The following EHMT1 variants were observed in gnomAD, a reference collection of about 807,000 sequenced individuals.
EHMT1 encodes the protein histone-lysine N-methyltransferase EHMT1.
A neutral mutation model predicts 147.2 loss-of-function variants in EHMT1; 15 were observed. The observed-to-expected ratio is 0.10, with a 90% CI of 0.07 to 0.16. The LOEUF (loss-of-function observed/expected upper bound fraction) is 0.16. Ranked by LOEUF, EHMT1 falls within the 10% of genes least tolerant of loss-of-function variation. EHMT1 has a pLI of 1.00. For missense variants in EHMT1, 1,587 were observed against 1,772.4 expected, an observed-to-expected ratio of 0.90 and a Z score of 1.88; for synonymous variants, 795 against 709.6, an observed-to-expected ratio of 1.12 and a Z score of -1.91.
Position 137,835,027 on chromosome 9 carries a change from T to C in EHMT1, c.*74T>C. The C allele has an allele frequency of 7.5e-7, 1 of 1,337,346 alleles. No homozygotes were observed. The highest frequency in any genetic ancestry group is 9.6e-7 in the Non-Finnish European group (1 of 1,046,924). 82.8% of individuals were successfully genotyped at this position (1,337,346 alleles called of 1,614,324 possible). A position where few individuals can be genotyped will look rare whatever the true frequency, so the allele number is the denominator to read the frequency against. On this transcript the variant is annotated 3_prime_UTR_variant, in exon 27 of 27. Coordinates refer to ENST00000460843, the MANE Select transcript of EHMT1 (RefSeq NM_024757.5). ...CCGATTAGAGGACGAGGAGGAGAGA[T>C]TCCGCACGCAACCGAAAGGGTCCTT...
chr9:137,670,990 A>G (rs1940547127), intron 1 of EHMT1, among the ~76,000 whole-genome samples: 1 of 151,224 alleles, frequency 6.6e-6, no homozygotes, highest in African/African-American at 2.4e-5. Context: ...CTGTTGTGTG[A>G]CTCTTGTTCC....
intron 3 of EHMT1, among the ~76,000 whole-genome samples, chr9:137,722,623 T>G (rs2135659050): frequency 6.8e-6 from 1 of 147,808 alleles, no homozygotes; most frequent in Admixed American, 6.7e-5. Flanking sequence ...TGCGGTGTGC[T>G]CTGTGTCTCT....
chr9:137,835,277 T>G lies in EHMT1; in HGVS notation c.*324T>G. ...TGATTTGTCGTTGCGAAGTTTCTCG[T>G]TTCTTCCTCTGACCTCCGAGGTCCC... On this transcript the variant is annotated 3_prime_UTR_variant, in exon 27 of 27. Transcript: ENST00000460843. 1 of 253,870 alleles carries G rather than the reference T, an allele frequency of 3.9e-6. No homozygotes were observed. The highest frequency in any genetic ancestry group is 8.4e-5 in the East Asian group (1 of 11,894). The allele number at this position is 253,870 out of a possible 1,614,324, so 15.7% of individuals were successfully genotyped here. A position where few individuals can be genotyped will look rare whatever the true frequency, so the allele number is the denominator to read the frequency against.
At chr9:137,689,976 C>G (rs11137181) in intron 1 of EHMT1, among the ~76,000 whole-genome samples, 6 of 152,164 alleles carry the variant, frequency 3.9e-5, no homozygotes, top group Non-Finnish European at 5.9e-5. Context: ...AAGCAGTGCA[C>G]GCATAGGCTC....
intron 4 of EHMT1, among the ~76,000 whole-genome samples, chr9:137,742,289 T>TGTGTG (rs1948160336): frequency 1.5e-5 from 2 of 135,170 alleles, no homozygotes; most frequent in South Asian, 5.1e-4. Flanking sequence ...AGAACCAAAT[T>TGTGTG]TGTGTGTGTG....
chr9:137,761,128 G>A (rs79531711), intron 9 of EHMT1, among the ~76,000 whole-genome samples: 3,023 of 152,312 alleles, frequency 0.02, 113 homozygotes, highest in African/African-American at 0.069. Context: ...GAGGAAACAC[G>A]AGGGGAAGGA....
intron 1 of EHMT1, among the ~76,000 whole-genome samples, chr9:137,688,340 ATTTCATTT>A (rs1376013065): frequency 2.0e-5 from 3 of 152,252 alleles, no homozygotes; most frequent in South Asian, 2.1e-4. Flanking sequence ...TGTTCTTGAA[ATTTCATTT>A]TTATATTCTT....
intron 10 of EHMT1, among the ~76,000 whole-genome samples, chr9:137,767,004 G>A (rs113668794): frequency 2.0e-5 from 3 of 152,076 alleles, no homozygotes; most frequent in Non-Finnish European, 4.4e-5. Flanking sequence ...TTTTTATTTT[G>A]TAGAGATGGT....
At chr9:137,681,224 C>A (rs561522750) in intron 1 of EHMT1, among the ~76,000 whole-genome samples, 5 of 152,130 alleles carry the variant, frequency 3.3e-5, no homozygotes, top group Admixed American at 1.3e-4. Context: ...GGGAGCTGTC[C>A]TGCTGGGGCA....
intron 1 of EHMT1, among the ~76,000 whole-genome samples, chr9:137,648,121 A>G (rs994820001): frequency 6.6e-6 from 1 of 152,114 alleles, no homozygotes; most frequent in Non-Finnish European, 1.5e-5. Context: ...ATGTGTTAAA[A>G]TCTATTTTCA....
chr9:137,777,150 A>G (rs1951022836), intron 12 of EHMT1: 3 of 382,522 alleles, frequency 7.8e-6, no homozygotes, highest in South Asian at 7.2e-5. Flanking sequence ...CACAAGCGAT[A>G]GACGAGTGGT....
At position 137,798,829 on chromosome 9, in the gene EHMT1, C is replaced by T; in HGVS notation, c.2522C>T (p.Thr841Met). ...CTGTTGCAGGACGCAGAGGGCTCTACGTGTTTGCACCTGGCTGCCAAGAAA... is the reference window on the plus strand; with the variant it reads ...CTGTTGCAGGACGCAGAGGGCTCTATGTGTTTGCACCTGGCTGCCAAGAAA... The part of the protein sequence containing the change: ...LVDPKDAEGS[T>M]CLHLAAKKGH... The change falls in exon 17 of 27, where the codon ACG becomes ATG. Residue 841 changes from threonine (T) to methionine (M), a missense_variant. Thr to Met is a moderately conservative substitution (Grantham distance 81, BLOSUM62 -1). Transcript: ENST00000460843. 1.9e-6 allele frequency: 3 copies of T among 1,614,110 alleles called. No homozygotes were observed. Among genetic ancestry groups the T allele is most frequent in the Non-Finnish European group, 2.5e-6 (3 of 1,179,944 alleles).
intron 13 of EHMT1, 87 bp from the exon 14 acceptor site, chr9:137,779,548 G>T (rs1475158417): frequency 2.8e-6 from 4 of 1,411,706 alleles, no homozygotes; most frequent in African/African-American, 1.4e-5. Flanking sequence ...GGGGCTGGTG[G>T]GGAGATGTCC....
chr9:137,824,588 A>G (rs919873217), intron 25 of EHMT1, among the ~76,000 whole-genome samples: 1 of 152,138 alleles, frequency 6.6e-6, no homozygotes, highest in Non-Finnish European at 1.5e-5. Flanking sequence ...TCTGCTGGCC[A>G]TTATCGCATT....
At chr9:137,788,435 T>C in intron 15 of EHMT1, 1 of 201,024 alleles carries the variant, frequency 5.0e-6, no homozygotes, top group East Asian at 1.2e-4. Context: ...ATCTTGTAGG[T>C]GAAAGGAGGT....
chr9:137,821,318 CTTTTTTTTTTT>C lies in EHMT1; in HGVS notation c.3540+3195_3540+3205del, dbSNP rs778919891. On this transcript the variant is annotated intron_variant, in intron 25 of 26. Transcript: ENST00000460843. ...ACAGGCATGAGCCACTGCGCCCGGCCTTTTTTTTTTTTTTTTTTTTTTTTTAAGAGACCAGG... is the reference window on the plus strand; with the variant it reads ...ACAGGCATGAGCCACTGCGCCCGGCCTTTTTTTTTTTTTTAAGAGACCAGG... 3.8e-4 allele frequency among the ~76,000 whole-genome samples: 24 copies of C among 63,988 alleles called. 1 individual carries two copies. Among genetic ancestry groups the C allele is most frequent in the African/African-American group, 1.6e-3 (24 of 14,626 alleles). 42.0% of individuals were successfully genotyped at this position (63,988 alleles called of 152,430 possible). A position where few individuals can be genotyped will look rare whatever the true frequency, so the allele number is the denominator to read the frequency against.
At chr9:137,720,210 C>CTT (rs1945809554) in intron 3 of EHMT1, among the ~76,000 whole-genome samples, 1 of 151,950 alleles carries the variant, frequency 6.6e-6, no homozygotes. Context: ...ATGGAACCCC[C>CTT]CACACCAGGG....
At chr9:137,779,932 C>T (rs1197598609) in intron 14 of EHMT1, among the ~76,000 whole-genome samples, 2 of 152,196 alleles carry the variant, frequency 1.3e-5, no homozygotes, top group African/African-American at 4.8e-5. Context: ...TAGAACTATT[C>T]TCTACGAAGT....
chr9:137,629,640 G>A (rs1281904523), intron 1 of EHMT1, among the ~76,000 whole-genome samples: 1 of 151,998 alleles, frequency 6.6e-6, no homozygotes, highest in Admixed American at 6.6e-5. Flanking sequence ...TGATCTGCCC[G>A]CCTCTGCCTC....
Sources: allele counts gnomAD v4.1 joint callset (sites outside exome capture counted in the v4.1 genomes callset), GRCh38; gene constraint gnomAD v4.1.1; transcripts MANE v1.5; gene names NCBI Gene and HGNC (gene_info 2026-07-23, HGNC 2026-07-21).